The following KCNIP3 variants were observed in gnomAD, a reference collection of about 807,000 sequenced individuals.
KCNIP3 encodes calsenilin.
Under a neutral mutation model 35.0 loss-of-function variants are expected in KCNIP3, and 28 were observed. The ratio of observed to expected loss-of-function variants is 0.80; its 90% CI spans 0.59 to 1.10. The LOEUF (loss-of-function observed/expected upper bound fraction) is 1.10, where lower values mean the gene tolerates loss of function less well. Among genes scored for constraint, KCNIP3 ranks in the 50% least tolerant of loss-of-function variants. KCNIP3 has a pLI of 0.00. For synonymous variants in KCNIP3, 134 were observed against 133.8 expected (o/e 1.00, Z -0.01); for missense variants, 295 against 338.4 (o/e 0.87, Z 1.01).
Position 95,384,046 on chromosome 2 carries a change from C to G in KCNIP3, c.768C>G (p.Ile256Met), listed in dbSNP as rs1288943188. 2 of 1,613,904 alleles carry G rather than the reference C, an allele frequency of 1.2e-6. No homozygotes were observed. The highest frequency in any genetic ancestry group is 1.7e-4 in the Middle Eastern group (1 of 6,060). ...MSSMQLFENVI is the reference protein window; with the variant it reads ...MSSMQLFENVM ...CCATGCAGCTGTTTGAGAATGTCAT[C>G]TAGGACACGTCCAAAGGAGTGCATG... Residue 256 changes from isoleucine (I) to methionine (M), a missense_variant, in exon 9 of 9, where the codon ATC (isoleucine) becomes ATG (methionine). Physicochemically the swap from Ile to Met is conservative, Grantham distance 10 (BLOSUM62 1). Transcript: ENST00000295225.
intron 1 of KCNIP3, among the ~76,000 whole-genome samples, chr2:95,306,287 C>T (rs1204961938): frequency 6.6e-6 from 1 of 152,150 alleles, no homozygotes; most frequent in Non-Finnish European, 1.5e-5. Context: ...TCCACGTGTC[C>T]TCTCTGGTGA....
At position 95,297,445 on chromosome 2, in the gene KCNIP3, C is replaced by T. The variant is rs1185049313; in HGVS notation, c.7C>T (p.Pro3Ser). The change falls in exon 1 of 9, where the codon CCG becomes TCG. Residue 3 changes from proline (P) to serine (S), a missense_variant. Coordinates refer to ENST00000295225, the MANE Select transcript of KCNIP3 (RefSeq NM_013434.5). ...GTTTTCTTCAGCGCCCAGGATGCAG[C>T]CGGCTAAGGTAGGTGCTGGGGGAAT... is the stretch of plus-strand genomic sequence containing the variant. MQ[P>S]AKEVTKASDG... 4.2e-6 allele frequency: 6 copies of T among 1,442,564 alleles called. No homozygotes were observed. Among genetic ancestry groups the T allele is most frequent in the Admixed American group, 2.0e-5 (1 of 48,834 alleles). 89.4% of individuals were successfully genotyped at this position (1,442,564 alleles called of 1,614,324 possible).
At chr2:95,314,944 C>T (rs1390318646) in intron 2 of KCNIP3, among the ~76,000 whole-genome samples, 1 of 152,200 alleles carries the variant, frequency 6.6e-6, no homozygotes, top group African/African-American at 2.4e-5. Context: ...AGCCCTGGAA[C>T]CCGCAACGGC....
At chr2:95,332,444 T>C (rs1332958760) in intron 2 of KCNIP3, among the ~76,000 whole-genome samples, 1 of 152,256 alleles carries the variant, frequency 6.6e-6, no homozygotes, top group African/African-American at 2.4e-5. Context: ...CGGAACGCCA[T>C]CTCTTATTTT....
intron 2 of KCNIP3, among the ~76,000 whole-genome samples, chr2:95,332,547 G>A (rs1278499942): frequency 6.6e-6 from 1 of 152,222 alleles, no homozygotes; most frequent in Non-Finnish European, 1.5e-5. Context: ...GTGAGGGGAC[G>A]GAGAGGAGGA....
chr2:95,332,817 A>G (rs904282775), intron 2 of KCNIP3, among the ~76,000 whole-genome samples: 3 of 152,202 alleles, frequency 2.0e-5, no homozygotes, highest in Non-Finnish European at 4.4e-5. Context: ...CTGGGTTCTC[A>G]AGCCTTCCCT....
At chr2:95,340,359 A>AAACAAAC (rs1175521941) in intron 2 of KCNIP3, among the ~76,000 whole-genome samples, 8 of 152,094 alleles carry the variant, frequency 5.3e-5, no homozygotes, top group Non-Finnish European at 4.4e-5. Context: ...ACAAACAAAC[A>AAACAAAC]AACAACAACA....
intron 2 of KCNIP3, among the ~76,000 whole-genome samples, chr2:95,329,220 G>GC (rs1678867962): frequency 7.5e-3 from 1 of 134 alleles, no homozygotes; most frequent in Non-Finnish European, 0.014. Flanking sequence ...GGCTCCCAGC[G>GC]CGGGCCAAGC....
At chr2:95,371,327 T>C (rs946344643) in intron 2 of KCNIP3, among the ~76,000 whole-genome samples, 7 of 152,230 alleles carry the variant, frequency 4.6e-5, no homozygotes, top group Non-Finnish European at 1.0e-4. Context: ...GTGATCACCT[T>C]GCAGTTTATT....
chr2:95,361,124 A>G (rs1679789397), intron 2 of KCNIP3, among the ~76,000 whole-genome samples: 1 of 152,212 alleles, frequency 6.6e-6, no homozygotes, highest in Non-Finnish European at 1.5e-5. Context: ...GCGCTGATCA[A>G]TAGTAAAAAG....
intron 2 of KCNIP3, among the ~76,000 whole-genome samples, chr2:95,366,020 C>A (rs1237279043): frequency 1.3e-5 from 2 of 151,964 alleles, no homozygotes; most frequent in Non-Finnish European, 2.9e-5. Context: ...GGGTCTCTGT[C>A]GCCCAGACTG....
intron 2 of KCNIP3, among the ~76,000 whole-genome samples, chr2:95,352,132 G>A (rs1206912325): frequency 6.6e-6 from 1 of 152,074 alleles, no homozygotes; most frequent in Non-Finnish European, 1.5e-5. Context: ...GCATGGTGGC[G>A]GGCGTCTGTA....
intron 2 of KCNIP3, among the ~76,000 whole-genome samples, chr2:95,316,332 C>T (rs1486301699): frequency 6.6e-6 from 1 of 152,254 alleles, no homozygotes; most frequent in Non-Finnish European, 1.5e-5. Context: ...CCTTTACTGG[C>T]AGGGGTGCGA....
chr2:95,302,191 G>A (rs1678052437), intron 1 of KCNIP3, among the ~76,000 whole-genome samples: 1 of 152,034 alleles, frequency 6.6e-6, no homozygotes, highest in Admixed American at 6.5e-5. Context: ...GGACAGGGTG[G>A]GGGGTGGGGA....
intron 2 of KCNIP3, among the ~76,000 whole-genome samples, chr2:95,343,692 C>T (rs1029835574): frequency 3.3e-5 from 5 of 152,124 alleles, no homozygotes; most frequent in African/African-American, 7.2e-5. Context: ...TGGAAGATGC[C>T]GGGGCAGAGA....
chr2:95,352,470 T>C (rs949935367), intron 2 of KCNIP3, among the ~76,000 whole-genome samples: 2 of 151,930 alleles, frequency 1.3e-5, no homozygotes, highest in African/African-American at 4.8e-5. Flanking sequence ...ACCCCGAATA[T>C]CCAGGCTCCA....
intron 2 of KCNIP3, among the ~76,000 whole-genome samples, chr2:95,357,307 A>G (rs539493640): frequency 5.9e-5 from 9 of 152,216 alleles, no homozygotes; most frequent in South Asian, 2.1e-4. Flanking sequence ...GTGGAACCCT[A>G]TGGTTTAGTA....
chr2:95,337,299 C>T (rs1207598174), intron 2 of KCNIP3, among the ~76,000 whole-genome samples: 2 of 151,954 alleles, frequency 1.3e-5, no homozygotes, highest in African/African-American at 2.4e-5. Flanking sequence ...GTCCAGTGCC[C>T]TCCTAGAGTT....
At chr2:95,344,684 C>A (rs1258413162) in intron 2 of KCNIP3, among the ~76,000 whole-genome samples, 1 of 152,252 alleles carries the variant, frequency 6.6e-6, no homozygotes, top group African/African-American at 2.4e-5. Flanking sequence ...TTCTCTGTCT[C>A]ATCTGACACG....
Sources: allele counts gnomAD v4.1 joint callset (sites outside exome capture counted in the v4.1 genomes callset), GRCh38; gene constraint gnomAD v4.1.1; transcripts MANE v1.5; gene names NCBI Gene and HGNC (gene_info 2026-07-23, HGNC 2026-07-21).